The following KCNQ1 variants were observed in gnomAD, a reference collection of about 807,000 sequenced individuals.
KCNQ1 encodes potassium voltage-gated channel subfamily Q member 1, also known as potassium voltage-gated channel subfamily KQT member 1.
A neutral mutation model predicts 72.4 loss-of-function variants in KCNQ1; 49 were observed. That is an observed-to-expected ratio of 0.68 (90% CI 0.54 to 0.86). The LOEUF is 0.86. Among genes scored for constraint, KCNQ1 ranks in the 40% least tolerant of loss-of-function variants. The probability of loss-of-function intolerance (pLI) is 0.00; values close to 1 mark genes in which losing one functional copy is unlikely to be tolerated. For synonymous variants in KCNQ1, 450 were observed against 412.6 expected, an observed-to-expected ratio of 1.09 and a Z score of -1.10; for missense variants, 790 against 945.1, an observed-to-expected ratio of 0.84 and a Z score of 2.15.
At position 2,538,338 on chromosome 11, in the gene KCNQ1, C is replaced by T. The variant is rs894183980; in HGVS notation, c.477+10320C>T. On this transcript the variant is annotated intron_variant, in intron 2 of 15. Transcript: ENST00000155840. The surrounding 1 kb of genome is among the most constrained non-coding windows in gnomAD (Gnocchi z 6.7). ...GTGGACATGGAGGCTTGGGGACAGT[C>T]CCCTGGCCCCACGGATGTTGTGTGG... 2.0e-5 allele frequency among the ~76,000 whole-genome samples: 3 copies of T among 152,170 alleles called. No homozygotes were observed.
Position 2,818,622 on chromosome 11 carries a change from C to G in KCNQ1, c.1795-29145C>G, listed in dbSNP as rs1026089438. The stretch of plus-strand genomic sequence containing the variant: ...CTGGAAGCCCCCGGAATGCGGCCCA[C>G]CCTGTCTCCAGTTGTTCCCTACCAG... On this transcript the variant is annotated intron_variant, in intron 15 of 15. Coordinates refer to ENST00000155840, the MANE Select transcript of KCNQ1 (RefSeq NM_000218.3). The surrounding 1 kb of genome is among the most constrained non-coding windows in gnomAD (Gnocchi z 7.2). Among the ~76,000 whole-genome samples the G allele has an allele frequency of 7.2e-5, 11 of 152,190 alleles. No individual in the cohort carries two copies. The highest frequency in any genetic ancestry group is 2.4e-4 in the African/African-American group (10 of 41,440).
Position 2,682,937 on chromosome 11 carries a change from G to A in KCNQ1, c.1514+20856G>A. On this transcript the variant is annotated intron_variant, in intron 11 of 15. Coordinates refer to ENST00000155840, the MANE Select transcript of KCNQ1 (RefSeq NM_000218.3). This position sits in a 1 kb window ranked among gnomAD's most constrained non-coding sequence, Gnocchi z 5.8. ...CCTGGAGAGGTGCTCAGGTCTGTGTGGAAGAAAGGACAGGAGTCCTTCTGC... is the reference window on the plus strand; with the variant it reads ...CCTGGAGAGGTGCTCAGGTCTGTGTAGAAGAAAGGACAGGAGTCCTTCTGC... The A allele has an allele frequency of 2.5e-6, 1 of 398,574 alleles. No homozygotes were observed. The allele number at this position is 398,574 out of a possible 1,614,324, so 24.7% of individuals were successfully genotyped here. A position where few individuals can be genotyped will look rare whatever the true frequency, so the allele number is the denominator to read the frequency against.
chr11:2,523,725 C>T (rs1037797926), intron 1 of KCNQ1, among the ~76,000 whole-genome samples: 3 of 150,052 alleles, frequency 2.0e-5, no homozygotes, highest in African/African-American at 4.9e-5. Context: ...TCTGTTCGCT[C>T]GCCTCTGCCT....
chr11:2,461,453 T>A, intron 1 of KCNQ1: 2 of 1,286,532 alleles, frequency 1.6e-6, no homozygotes, highest in Non-Finnish European at 2.0e-6. Flanking sequence ...CTTCCTCCCC[T>A]GCAGCTTCCA....
At position 2,608,919 on chromosome 11, in the gene KCNQ1, T is replaced by A. The variant is rs1287717518; in HGVS notation, c.1393+20065T>A. The stretch of plus-strand genomic sequence containing the variant: ...TCCTCCCCCTCTTTCTTCCTCCCCT[T>A]CTTTTCTTCTCCCTCTCCCTCTCTC... On this transcript the variant is annotated intron_variant, in intron 10 of 15. Transcript: ENST00000155840. The surrounding 1 kb of genome is among the most constrained non-coding windows in gnomAD (Gnocchi z 4.6). The A allele has an allele frequency of 5.0e-6, 2 of 398,370 alleles. No individual in the cohort carries two copies. Among genetic ancestry groups the A allele is most frequent in the Admixed American group, 8.8e-5 (2 of 22,698 alleles). The allele number at this position is 398,370 out of a possible 1,614,324, so 24.7% of individuals were successfully genotyped here.
Position 2,663,341 on chromosome 11 carries a change from G to T in KCNQ1, c.1514+1260G>T. ...AAGGCAGGAGCAGAGGTGTGAGCAG[G>T]CTGGTAGCCAGATGGGCTGCCCAGG... On this transcript the variant is annotated intron_variant, in intron 11 of 15. Transcript: ENST00000155840. The surrounding 1 kb of genome is among the most constrained non-coding windows in gnomAD (Gnocchi z 5.2). The T allele has an allele frequency of 2.5e-6, 1 of 398,808 alleles. No individual in the cohort carries two copies. 24.7% of individuals were successfully genotyped at this position (398,808 alleles called of 1,614,324 possible).
intron 1 of KCNQ1, among the ~76,000 whole-genome samples, chr11:2,514,247 GCTCA>G (rs1392152740): frequency 6.6e-6 from 1 of 152,254 alleles, no homozygotes; most frequent in Non-Finnish European, 1.5e-5. Flanking sequence ...CTGCCTCCCA[GCTCA>G]CTCTTAGCCT....
intron 15 of KCNQ1, among the ~76,000 whole-genome samples, chr11:2,837,849 G>T (rs916925361): frequency 1.3e-5 from 2 of 152,340 alleles, no homozygotes; most frequent in South Asian, 4.1e-4. Flanking sequence ...CACAGGGGCC[G>T]GCGGCGAGGG....
At chr11:2,610,855 A>G (rs900216111) in intron 10 of KCNQ1, 10 of 397,162 alleles carry the variant, frequency 2.5e-5, no homozygotes, top group Non-Finnish European at 4.0e-5. Context: ...GGAGGGTATT[A>G]AGCAGAGTGC....
chr11:2,721,476 A>G (rs1301237362), intron 11 of KCNQ1, among the ~76,000 whole-genome samples: 1 of 152,270 alleles, frequency 6.6e-6, no homozygotes, highest in Non-Finnish European at 1.5e-5. Flanking sequence ...CAAGAGGGGC[A>G]GGTCCAGGGA....
chr11:2,658,461 C>T lies in KCNQ1; in HGVS notation c.1394-3500C>T, dbSNP rs993217951. ...TGGGTTCATGTGTCCTTTTGATGTGCCCCCCGCCATCCTTTTCATTTATTT... is the reference window on the plus strand; with the variant it reads ...TGGGTTCATGTGTCCTTTTGATGTGTCCCCCGCCATCCTTTTCATTTATTT... On this transcript the variant is annotated intron_variant, in intron 10 of 15. Transcript: ENST00000155840. This position sits in a 1 kb window ranked among gnomAD's most constrained non-coding sequence, Gnocchi z 4.9. The T allele has an allele frequency of 2.5e-6, 1 of 398,282 alleles. No homozygotes were observed. The highest frequency in any genetic ancestry group is 4.4e-6 in the Non-Finnish European group (1 of 226,032). The allele number at this position is 398,282 out of a possible 1,614,324, so 24.7% of individuals were successfully genotyped here.
At chr11:2,689,133 G>T in intron 11 of KCNQ1, 1 of 398,746 alleles carries the variant, frequency 2.5e-6, no homozygotes, top group Non-Finnish European at 4.4e-6. Flanking sequence ...GAAAGCCTGA[G>T]ACCCTAAGGA....
chr11:2,523,751 GT>G lies in KCNQ1; in HGVS notation c.387-4157del, dbSNP rs59766245. 3.2e-3 allele frequency among the ~76,000 whole-genome samples: 372 copies of G among 115,140 alleles called. 5 individuals carry two copies. The highest frequency in any genetic ancestry group is 0.014 in the South Asian group (50 of 3,676). 75.5% of individuals were successfully genotyped at this position (115,140 alleles called of 152,430 possible). A position where few individuals can be genotyped will look rare whatever the true frequency, so the allele number is the denominator to read the frequency against. On this transcript the variant is annotated intron_variant, in intron 1 of 15. Coordinates refer to ENST00000155840, the MANE Select transcript of KCNQ1 (RefSeq NM_000218.3). ...GCCTCTGCCTTGGAGGAAGTTTACA[GT>G]TTTTTTTTTTTTTTTTTTTGAAAGT...
At chr11:2,838,823 C>T (rs1848140878) in intron 15 of KCNQ1, among the ~76,000 whole-genome samples, 1 of 152,168 alleles carries the variant, frequency 6.6e-6, no homozygotes, top group African/African-American at 2.4e-5. Flanking sequence ...GTCCCCTGGC[C>T]TCCGGGCCTC....
rs1590022073 is a variant in KCNQ1 at position 2,671,912 on chromosome 11, G to A, written c.1514+9831G>A. On this transcript the variant is annotated intron_variant, in intron 11 of 15. Coordinates refer to ENST00000155840, the MANE Select transcript of KCNQ1 (RefSeq NM_000218.3). The surrounding 1 kb of genome is among the most constrained non-coding windows in gnomAD (Gnocchi z 4.7). The stretch of plus-strand genomic sequence containing the variant: ...ACCAGGCAGCCAGCCTGTGGGCCCC[G>A]CTATGCTTCCTCAGGCAGCTAGTCT... 5 of 398,702 alleles carry A rather than the reference G, an allele frequency of 1.3e-5. No individual in the cohort carries two copies. In the East Asian group the frequency reaches 1.4e-4, roughly 11 times the overall value. 24.7% of individuals were successfully genotyped at this position (398,702 alleles called of 1,614,324 possible). A position where few individuals can be genotyped will look rare whatever the true frequency, so the allele number is the denominator to read the frequency against.
In KCNQ1 at chr11:2,687,128, G is replaced by A. The variant is rs1257075919; in HGVS notation, c.1514+25047G>A. 5 of 398,546 alleles carry A rather than the reference G, an allele frequency of 1.3e-5. No individual in the cohort carries two copies. The highest frequency in any genetic ancestry group is 2.2e-5 in the Non-Finnish European group (5 of 226,078). 24.7% of individuals were successfully genotyped at this position (398,546 alleles called of 1,614,324 possible). ...CACCTTGACACACAAACTGCACAGG[G>A]AGGGGAGGAATCTGAGCCAGCTTCC... On this transcript the variant is annotated intron_variant, in intron 11 of 15. Transcript: ENST00000155840. This position sits in a 1 kb window ranked among gnomAD's most constrained non-coding sequence, Gnocchi z 5.0.
rs1039471686 is a variant in KCNQ1 at position 2,493,099 on chromosome 11, G to A, written c.387-34829G>A. On this transcript the variant is annotated intron_variant, in intron 1 of 15. Coordinates refer to ENST00000155840, the MANE Select transcript of KCNQ1 (RefSeq NM_000218.3). This position sits in a 1 kb window ranked among gnomAD's most constrained non-coding sequence, Gnocchi z 5.3. The stretch of plus-strand genomic sequence containing the variant: ...TTGTGGTTTTGATTTGCATTTCTCT[G>A]ATGACCAGTAATGATTAGCTTTTTT... 5.9e-5 allele frequency among the ~76,000 whole-genome samples: 9 copies of A among 152,282 alleles called. No homozygotes were observed. The highest frequency in any genetic ancestry group is 3.9e-4 in the East Asian group (2 of 5,178).
rs755851372 is a variant in KCNQ1, at chr11:2,541,492, G to A, written c.477+13474G>A. Among the ~76,000 whole-genome samples, 5 of 152,036 alleles carry A rather than the reference G, an allele frequency of 3.3e-5. No individual in the cohort carries two copies. The highest frequency in any genetic ancestry group is 7.2e-5 in the African/African-American group (3 of 41,388). ...GGAGGGACTGAGCTGGGCCCTTTTC[G>A]TTGGTTAGTTCTCAGTGTGGCCTAC... is the stretch of plus-strand genomic sequence containing the variant. On this transcript the variant is annotated intron_variant, in intron 2 of 15. Transcript: ENST00000155840. The surrounding 1 kb of genome is among the most constrained non-coding windows in gnomAD (Gnocchi z 4.8).
At position 2,762,912 on chromosome 11, in the gene KCNQ1, G is replaced by A. The variant is rs1000969310; in HGVS notation, c.1515-5932G>A. ...TCCGTCAGACCCCCACTGTTCATCT[G>A]TCTGCCCACACGCTCTTAATCAAGC... On this transcript the variant is annotated intron_variant, in intron 11 of 15. Coordinates refer to ENST00000155840, the MANE Select transcript of KCNQ1 (RefSeq NM_000218.3). The surrounding 1 kb of genome is among the most constrained non-coding windows in gnomAD (Gnocchi z 4.3). 6.6e-6 allele frequency among the ~76,000 whole-genome samples: 1 copy of A among 151,814 alleles called. No individual in the cohort carries two copies. The highest frequency in any genetic ancestry group is 1.5e-5 in the Non-Finnish European group (1 of 68,004).
Sources: allele counts gnomAD v4.1 joint callset (sites outside exome capture counted in the v4.1 genomes callset), GRCh38; gene constraint gnomAD v4.1.1; non-coding constraint Gnocchi (gnomAD v3.1); transcripts MANE v1.5; gene names NCBI Gene and HGNC (gene_info 2026-07-23, HGNC 2026-07-21).